The following TBC1D2 variants were observed in gnomAD, a reference collection of about 807,000 sequenced individuals.
TBC1D2 encodes the protein TBC1 domain family member 2, also known as TBC1 domain family member 2A.
TBC1D2 carries 58 observed loss-of-function variants against 91.1 expected under a neutral mutation model. The observed-to-expected ratio is 0.64, with a 90% confidence interval of 0.52 to 0.79. The LOEUF (loss-of-function observed/expected upper bound fraction) is 0.79, where lower values mean the gene tolerates loss of function less well. TBC1D2 is among the 30% of genes least tolerant of loss of function. The pLI is 0.00. For missense variants in TBC1D2, 1,080 were observed against 1,208.3 expected (o/e 0.89, Z 1.57); for synonymous variants, 482 against 511.5 (o/e 0.94, Z 0.78).
At chr9:98,255,095 C>T in intron 1 of TBC1D2, 78 bp downstream of exon 1, 1 of 1,523,648 alleles carries the variant, frequency 6.6e-7, no homozygotes. Flanking sequence ...GTGTCCACCT[C>T]ACACTCGCGC....
rs1480721460 is a variant in TBC1D2 at position 98,243,988 on chromosome 9, A to C, written c.647+6T>G. ...TGGCTAGCCCCTCAGCTCCACTGGC[A>C]CTTACTGTATTTCAGTCCCCAGGTG... On this transcript the variant is annotated splice_donor_region_variant and intron_variant, in intron 3 of 12. Transcript: ENST00000465784. The C allele has an allele frequency of 1.3e-6, 2 of 1,599,786 alleles. No homozygotes were observed. Among genetic ancestry groups the C allele is most frequent in the Non-Finnish European group, 1.7e-6 (2 of 1,173,342 alleles).
chr9:98,199,476 G>T lies in TBC1D2; in HGVS notation c.2692C>A (p.Gln898Lys). 1 of 1,614,132 alleles carries T rather than the reference G, an allele frequency of 6.2e-7. No individual in the cohort carries two copies. Among genetic ancestry groups the T allele is most frequent in the East Asian group, 2.2e-5 (1 of 44,884 alleles). ...RLEAELRELE[Q>K]LKAEYLERRA... ...CTCTCCAGGTACTCTGCCTTAAGCT[G>T]CTCCAGCTCCCGCAGCTCAGCCTCC... The change falls in exon 13 of 13, where the codon CAG becomes AAG. Residue 898 changes from glutamine to lysine, a missense_variant. Gln to Lys is a moderately conservative substitution (Grantham distance 53, BLOSUM62 1). Coordinates refer to ENST00000465784, the MANE Select transcript of TBC1D2 (RefSeq NM_001267571.2).
intron 8 of TBC1D2, 131 bp from the exon 9 acceptor site, chr9:98,209,275 C>A: frequency 2.5e-6 from 2 of 805,570 alleles, no homozygotes; most frequent in South Asian, 3.2e-5. Flanking sequence ...CAGCTCTGGG[C>A]AGGTCACTTC....
intron 5 of TBC1D2, among the ~76,000 whole-genome samples, chr9:98,221,735 C>CT (rs1007899639): frequency 1.1e-3 from 167 of 147,922 alleles, no homozygotes; most frequent in African/African-American, 3.0e-3. Flanking sequence ...TGCTTTGAAA[C>CT]TTTTTTTTTT....
At chr9:98,201,789 T>G in intron 10 of TBC1D2, 125 bp from the exon 11 acceptor site, 1 of 947,208 alleles carries the variant, frequency 1.1e-6, no homozygotes, top group Non-Finnish European at 1.5e-6. Flanking sequence ...GGTCCTTTCC[T>G]GCCCAGGAGA....
chr9:98,215,766 A>G (rs1379690882), intron 6 of TBC1D2, among the ~76,000 whole-genome samples: 2 of 152,168 alleles, frequency 1.3e-5, no homozygotes, highest in Non-Finnish European at 2.9e-5. Context: ...TCGGCCTCCT[A>G]AAGTGTTAGG....
intron 3 of TBC1D2, among the ~76,000 whole-genome samples, chr9:98,242,160 G>A (rs534261358): frequency 6.6e-6 from 1 of 152,252 alleles, no homozygotes; most frequent in African/African-American, 2.4e-5. Flanking sequence ...CAAATGCCCA[G>A]GCTGGGCGTG....
At chr9:98,236,724 A>G (rs1229280657) in intron 3 of TBC1D2, among the ~76,000 whole-genome samples, 1 of 152,236 alleles carries the variant, frequency 6.6e-6, no homozygotes, top group African/African-American at 2.4e-5. Flanking sequence ...TGTGAAATGT[A>G]TAATTACACC....
intron 1 of TBC1D2, among the ~76,000 whole-genome samples, chr9:98,252,755 A>G (rs566889329): frequency 6.6e-6 from 1 of 152,342 alleles, no homozygotes; most frequent in East Asian, 1.9e-4. Flanking sequence ...GCCTGAGATC[A>G]GCTGAGGTGG....
intron 2 of TBC1D2, among the ~76,000 whole-genome samples, chr9:98,244,448 G>A (rs897961083): frequency 1.3e-5 from 2 of 152,006 alleles, no homozygotes; most frequent in Non-Finnish European, 2.9e-5. Flanking sequence ...CACCTGAGGT[G>A]GGGAGTTAAG....
rs1317987617 is a variant in TBC1D2 at position 98,200,741 on chromosome 9, C to T, written c.2458-367G>A. Among the ~76,000 whole-genome samples the T allele has an allele frequency of 2.6e-5, 4 of 152,158 alleles. 1 individual carries two copies. The South Asian group carries it at 8.3e-4, about 31-fold the overall frequency. On this transcript the variant is annotated intron_variant, in intron 11 of 12. Transcript: ENST00000465784. Reference sequence around the variant, plus strand: ...GAACCAGATGAAATGACAGGCCAGACACAGTGGCTCATGCCAGTAATTCCA... The same window carrying T: ...GAACCAGATGAAATGACAGGCCAGATACAGTGGCTCATGCCAGTAATTCCA...
At chr9:98,215,624 C>T (rs1044260744) in intron 6 of TBC1D2, among the ~76,000 whole-genome samples, 1 of 152,214 alleles carries the variant, frequency 6.6e-6, no homozygotes, top group Non-Finnish European at 1.5e-5. Flanking sequence ...CCTCCCACCT[C>T]AGCCTGTCAA....
chr9:98,199,127 A>G lies in TBC1D2; in HGVS notation c.*254T>C. ...CAGTGCTCTTGCTTGTTTACATGCCAAAGTGCTCTGTGGAAGAGGTGACGA... is the reference window on the plus strand; with the variant it reads ...CAGTGCTCTTGCTTGTTTACATGCCGAAGTGCTCTGTGGAAGAGGTGACGA... On this transcript the variant is annotated 3_prime_UTR_variant, in exon 13 of 13. Transcript: ENST00000465784. 2 of 591,528 alleles carry G rather than the reference A, an allele frequency of 3.4e-6. No individual in the cohort carries two copies. Among genetic ancestry groups the G allele is most frequent in the Non-Finnish European group, 6.0e-6 (2 of 330,942 alleles). The allele number at this position is 591,528 out of a possible 1,614,324, so 36.6% of individuals were successfully genotyped here.
At position 98,208,985 on chromosome 9, in the gene TBC1D2, A is replaced by G. The variant is rs764427206; in HGVS notation, c.1833T>C (p.Asp611=). 19 of 1,613,920 alleles carry G rather than the reference A, an allele frequency of 1.2e-5. No individual in the cohort carries two copies. The highest frequency in any genetic ancestry group is 2.2e-5 in the South Asian group (2 of 91,078). ...PLRERWAALG[D]LVPSAELKQL... ...GCTTGAGCTCGGCTGAGGGCACAAGATCGCCCAGGGCAGCCCAGCGCTCCC... is the reference window on the plus strand; with the variant it reads ...GCTTGAGCTCGGCTGAGGGCACAAGGTCGCCCAGGGCAGCCCAGCGCTCCC... Residue 611 remains aspartate (D), a synonymous_variant, in exon 9 of 13, where the codon GAT becomes GAC. Coordinates refer to ENST00000465784, the MANE Select transcript of TBC1D2 (RefSeq NM_001267571.2).
chr9:98,215,175 T>C (rs2900463), intron 6 of TBC1D2, among the ~76,000 whole-genome samples: 94,508 of 152,084 alleles, frequency 0.62, 30,043 homozygotes, highest in African/African-American at 0.76. Flanking sequence ...CCTATCCTTA[T>C]GTGGCAAGAA....
In TBC1D2 at chr9:98,255,499, C is replaced by A. The variant is rs1398940948; in HGVS notation, c.43G>T (p.Ala15Ser). 1 of 1,556,898 alleles carries A rather than the reference C, an allele frequency of 6.4e-7. No homozygotes were observed. Among genetic ancestry groups the A allele is most frequent in the African/African-American group, 1.4e-5 (1 of 73,564 alleles). ...GENAPESSSS[A>S]PGSEESARDP... Reference sequence around the variant, plus strand: ...CTGGCAGACTCTTCGGACCCAGGGGCAGAGGAGCTGGACTCCGGGGCGTTC... The same window carrying A: ...CTGGCAGACTCTTCGGACCCAGGGGAAGAGGAGCTGGACTCCGGGGCGTTC... Residue 15 changes from alanine to serine, a missense_variant, in exon 1 of 13, where the codon GCC becomes TCC. By Grantham distance (99) the Ala-to-Ser change is moderately conservative. Coordinates refer to ENST00000465784, the MANE Select transcript of TBC1D2 (RefSeq NM_001267571.2).
chr9:98,241,746 C>G (rs939750473), intron 3 of TBC1D2, among the ~76,000 whole-genome samples: 5 of 152,138 alleles, frequency 3.3e-5, no homozygotes, highest in African/African-American at 1.2e-4. Flanking sequence ...CCCAATGCAC[C>G]CAGTTCCCTG....
chr9:98,234,096 T>C (rs1241742539), intron 3 of TBC1D2, among the ~76,000 whole-genome samples: 2 of 152,212 alleles, frequency 1.3e-5, no homozygotes, highest in African/African-American at 4.8e-5. Flanking sequence ...AGATCTGTCC[T>C]CTGTGCAGCC....
chr9:98,225,065 C>T (rs1289326491), intron 5 of TBC1D2, among the ~76,000 whole-genome samples: 1 of 152,218 alleles, frequency 6.6e-6, no homozygotes, highest in Non-Finnish European at 1.5e-5. Flanking sequence ...CGTTGCCCCA[C>T]TGAGTTTCCT....
Sources: allele counts gnomAD v4.1 joint callset (sites outside exome capture counted in the v4.1 genomes callset), GRCh38; gene constraint gnomAD v4.1.1; transcripts MANE v1.5; gene names NCBI Gene and HGNC (gene_info 2026-07-23, HGNC 2026-07-21).